The following NAV2 variants were observed in gnomAD, a reference collection of about 807,000 sequenced individuals.
NAV2 encodes the protein helicase, APC down-regulated 1.
Under a neutral mutation model 223.2 loss-of-function variants are expected in NAV2, and 54 were observed. That is an observed-to-expected ratio of 0.24 (90% CI 0.19 to 0.30). NAV2 has a LOEUF of 0.30. Among genes scored for constraint, NAV2 ranks in the 10% least tolerant of loss-of-function variants. The probability of loss-of-function intolerance (pLI) is 1.00; values close to 1 mark genes in which losing one functional copy is unlikely to be tolerated. For missense variants in NAV2, 2,806 were observed against 3,147.5 expected (o/e 0.89, Z 2.60); for synonymous variants, 1,279 against 1,239.3 (o/e 1.03, Z -0.67).
intron 10 of NAV2, among the ~76,000 whole-genome samples, chr11:19,969,832 G>A (rs2049070877): frequency 6.6e-6 from 1 of 151,884 alleles, no homozygotes; most frequent in African/African-American, 2.4e-5. Flanking sequence ...TGTAGTCCCA[G>A]CTACTCAGGA....
chr11:19,733,286 T>G (rs2152425069), intron 1 of NAV2, among the ~76,000 whole-genome samples: 1 of 152,344 alleles, frequency 6.6e-6, no homozygotes, highest in African/African-American at 2.4e-5. Context: ...CACTCTGTGT[T>G]TATGTCTTAG....
chr11:19,512,209 A>G (rs2043301200), intron 1 of NAV2, among the ~76,000 whole-genome samples: 1 of 152,106 alleles, frequency 6.6e-6, no homozygotes, highest in South Asian at 2.1e-4. Flanking sequence ...GGTCTGATCA[A>G]CTCTGAGAGC....
At chr11:19,680,526 A>G (rs1231725134) in intron 1 of NAV2, among the ~76,000 whole-genome samples, 1 of 152,152 alleles carries the variant, frequency 6.6e-6, no homozygotes, top group Non-Finnish European at 1.5e-5. Flanking sequence ...CCGCACACAC[A>G]GGAGGGATGC....
chr11:19,833,780 T>C (rs1322668690), intron 2 of NAV2, among the ~76,000 whole-genome samples: 2 of 152,188 alleles, frequency 1.3e-5, no homozygotes, highest in East Asian at 3.9e-4. Flanking sequence ...TTTGCTTCTA[T>C]GTTCACTCAG....
chr11:19,409,872 T>C (rs1303448854), intron 1 of NAV2, among the ~76,000 whole-genome samples: 1 of 152,152 alleles, frequency 6.6e-6, no homozygotes, highest in Non-Finnish European at 1.5e-5. Flanking sequence ...TTGAGATTTT[T>C]TAATCTACCC....
Position 20,045,496 on chromosome 11 carries a change from C to A in NAV2, c.3728C>A (p.Pro1243Gln). Residue 1243 changes from proline (P) to glutamine (Q), a missense_variant, in exon 14 of 38, where the codon CCA becomes CAA. Pro to Gln is a moderately conservative substitution (Grantham distance 76, BLOSUM62 -1). Around this residue, in one of 4 missense-constraint regions of NAV2, gnomAD observed 742 missense variants for 777.9 expected, o/e 0.95. Coordinates refer to ENST00000349880, the MANE Select transcript of NAV2 (RefSeq NM_145117.5). The part of the protein sequence containing the change: ...PSKTALGSSL[P>Q]GLVNQTDKEK... Reference sequence around the variant, plus strand: ...AAAACAGCCCTAGGCAGCTCTCTACCAGGTCTGGTCAACCAAACAGACAAG... The same window carrying A: ...AAAACAGCCCTAGGCAGCTCTCTACAAGGTCTGGTCAACCAAACAGACAAG... 1 of 1,614,154 alleles carries A rather than the reference C, an allele frequency of 6.2e-7. No homozygotes were observed. The highest frequency in any genetic ancestry group is 8.5e-7 in the Non-Finnish European group (1 of 1,180,022).
At chr11:20,000,461 C>A (rs182985478) in intron 11 of NAV2, among the ~76,000 whole-genome samples, 1 of 152,040 alleles carries the variant, frequency 6.6e-6, no homozygotes, top group African/African-American at 2.4e-5. Flanking sequence ...GGGGAGGGCC[C>A]GGGGTACCGA....
chr11:20,114,892 T>C, intron 37 of NAV2, 97 bp downstream of exon 37: 1 of 1,234,878 alleles, frequency 8.1e-7, no homozygotes, highest in East Asian at 2.6e-5. Context: ...GGTGACTAAA[T>C]CCAGCCTTGC....
Position 20,078,091 on chromosome 11 carries a change from G to A in NAV2, c.5166G>A (p.Glu1722=), listed in dbSNP as rs1403524270. ...TTAATGGAGTAATTAACACACCTGA[G>A]CTCAACTGCAAAGGTAAAGTAAGGG... ...AAINGVINTP[E]LNCKGNGTAQ... is the part of the protein sequence containing the mutation. The change falls in exon 24 of 38, where the codon GAG becomes GAA. Residue 1722 remains glutamate, a synonymous_variant. Transcript: ENST00000349880. 1 of 1,612,956 alleles carries A rather than the reference G, an allele frequency of 6.2e-7. No individual in the cohort carries two copies. The highest frequency in any genetic ancestry group is 1.3e-5 in the African/African-American group (1 of 75,028).
At position 20,027,477 on chromosome 11, in the gene NAV2, G is replaced by A. The variant is rs921123232; in HGVS notation, c.2769-8482G>A. The A allele has an allele frequency of 7.1e-5, 70 of 984,936 alleles. No individual in the cohort carries two copies. The African/African-American group carries it at 1.0e-3, about 14-fold the overall frequency. The allele number at this position is 984,936 out of a possible 1,614,324, so 61.0% of individuals were successfully genotyped here. On this transcript the variant is annotated intron_variant, in intron 11 of 37. Coordinates refer to ENST00000349880, the MANE Select transcript of NAV2 (RefSeq NM_145117.5). ...CTGGAAAATTGAGCAGGTAAGTCCT[G>A]GATGCAGCTGGTCACAGCTGCGCAG...
At chr11:20,040,825 G>C (rs570760519) in intron 12 of NAV2, among the ~76,000 whole-genome samples, 4 of 152,234 alleles carry the variant, frequency 2.6e-5, no homozygotes, top group Non-Finnish European at 4.4e-5. Context: ...TGGTTCCGCT[G>C]TTGCGAGCTC....
chr11:19,588,112 C>T (rs1156373093), intron 1 of NAV2, among the ~76,000 whole-genome samples: 1 of 152,184 alleles, frequency 6.6e-6, no homozygotes, highest in African/African-American at 2.4e-5. Context: ...TTCCTTTCTT[C>T]CCTGACTTGG....
chr11:19,444,942 T>C (rs996180415), intron 1 of NAV2, among the ~76,000 whole-genome samples: 1 of 152,118 alleles, frequency 6.6e-6, no homozygotes, highest in Non-Finnish European at 1.5e-5. Context: ...GAAATCTATA[T>C]GAAGAATAGG....
chr11:19,594,627 T>C (rs1200325157), intron 1 of NAV2, among the ~76,000 whole-genome samples: 1 of 152,070 alleles, frequency 6.6e-6, no homozygotes, highest in South Asian at 2.1e-4. Flanking sequence ...TCCATATCTG[T>C]AAAATGGGAG....
At chr11:20,049,734 C>T (rs879026025) in intron 15 of NAV2, 102 bp from the exon 16 acceptor site, 36 of 1,111,444 alleles carry the variant, frequency 3.2e-5, no homozygotes, top group East Asian at 1.6e-4. Flanking sequence ...GGGAAGAAAG[C>T]GAGGATCAGC....
chr11:19,805,090 C>A (rs949701371), intron 1 of NAV2, among the ~76,000 whole-genome samples: 2 of 152,082 alleles, frequency 1.3e-5, no homozygotes, highest in African/African-American at 4.8e-5. Flanking sequence ...GGTTTCGTGG[C>A]AGGGGTGGCC....
intron 6 of NAV2, among the ~76,000 whole-genome samples, chr11:19,918,206 T>C (rs183994745): frequency 1.3e-5 from 2 of 152,360 alleles, no homozygotes; most frequent in East Asian, 3.9e-4. Context: ...ACTGAGAGGA[T>C]AACATTGCAT....
At chr11:19,572,116 A>C (rs2045444116) in intron 1 of NAV2, among the ~76,000 whole-genome samples, 1 of 152,234 alleles carries the variant, frequency 6.6e-6, no homozygotes, top group Non-Finnish European at 1.5e-5. Context: ...TTTTGGCCCA[A>C]GCCATGGACT....
At position 19,934,171 on chromosome 11, in the gene NAV2, G is replaced by A. The variant is rs376137371; in HGVS notation, c.1927G>A (p.Gly643Arg). 6.5e-5 allele frequency: 105 copies of A among 1,613,818 alleles called. No homozygotes were observed. The Admixed American group carries it at 6.7e-4, about 10-fold the overall frequency. Residue 643 changes from glycine (G) to arginine (R), a missense_variant, in exon 7 of 38, where the codon GGG (glycine) becomes AGG (arginine). Physicochemically the swap from Gly to Arg is moderately radical, Grantham distance 125. Transcript: ENST00000349880. ...ISSQTVSGSV[G>R]TTQTTGSNTV... is the part of the protein sequence containing the mutation. ...CAGCCAGACTGTCAGTGGGTCTGTCGGGACCACCCAGACCACAGGAAGCAA... is the reference window on the plus strand; with the variant it reads ...CAGCCAGACTGTCAGTGGGTCTGTCAGGACCACCCAGACCACAGGAAGCAA...
Sources: gnomAD v4.1 joint callset for allele counts (sites outside exome capture counted in the v4.1 genomes callset) on GRCh38, gnomAD v4.1.1 for gene constraint, gnomAD v4.1.1 regional missense constraint, MANE v1.5 for transcripts, NCBI Gene and HGNC (gene_info 2026-07-23, HGNC 2026-07-21) for gene names.